The following LRFN5 variants were observed in gnomAD, a reference collection of about 807,000 sequenced individuals.
The protein encoded by LRFN5 is leucine-rich repeat and fibronectin type-III domain-containing protein 5.
LRFN5 carries 24 observed loss-of-function variants against 45.6 expected under a neutral mutation model. The observed-to-expected ratio is 0.53, with a 90% CI of 0.38 to 0.74. The LOEUF (loss-of-function observed/expected upper bound fraction) is 0.74, where lower values mean the gene tolerates loss of function less well. Among genes scored for constraint, LRFN5 ranks in the 30% least tolerant of loss-of-function variants. The pLI is 0.00. For missense variants in LRFN5, 776 were observed against 861.5 expected (o/e 0.90, Z 1.24); for synonymous variants, 340 against 313.8 (o/e 1.08, Z -0.88).
chr14:41,619,476 C>G (rs1351154705), intron 1 of LRFN5, among the ~76,000 whole-genome samples: 1 of 151,740 alleles, frequency 6.6e-6, no homozygotes, highest in Non-Finnish European at 1.5e-5. Flanking sequence ...TGAGGGGGTA[C>G]CTGAAAATGC....
At chr14:41,674,490 T>C (rs1881479186) in intron 1 of LRFN5, among the ~76,000 whole-genome samples, 1 of 136,766 alleles carries the variant, frequency 7.3e-6, no homozygotes, top group Non-Finnish European at 1.6e-5. Context: ...ACGGGGTGGC[T>C]GGCCGGGCGG....
At chr14:41,772,769 CATA>C (rs2138895853) in intron 2 of LRFN5, among the ~76,000 whole-genome samples, 1 of 152,280 alleles carries the variant, frequency 6.6e-6, no homozygotes, top group Admixed American at 6.5e-5. Flanking sequence ...TACGGCTCAC[CATA>C]TACCAGTAAA....
At chr14:41,862,018 A>G (rs1288983397) in intron 2 of LRFN5, among the ~76,000 whole-genome samples, 6 of 152,132 alleles carry the variant, frequency 3.9e-5, no homozygotes, top group Admixed American at 3.9e-4. Flanking sequence ...TGGTTTAAAA[A>G]TATTTGGCAG....
intron 1 of LRFN5, among the ~76,000 whole-genome samples, chr14:41,657,648 A>C (rs1594587887): frequency 6.6e-6 from 1 of 151,998 alleles, no homozygotes; most frequent in Non-Finnish European, 1.5e-5. Flanking sequence ...AAAGTATTTA[A>C]GGACTTATGA....
At chr14:41,734,332 A>ATATATATATATATATATATATG (rs1884324574) in intron 1 of LRFN5, among the ~76,000 whole-genome samples, 1 of 103,866 alleles carries the variant, frequency 9.6e-6, no homozygotes, top group Non-Finnish European at 2.1e-5. Context: ...ATATATATAT[A>ATATATATATATATATATATATG]TATATATATA....
intron 1 of LRFN5, among the ~76,000 whole-genome samples, chr14:41,690,146 A>T (rs1029334211): frequency 6.6e-6 from 1 of 152,182 alleles, no homozygotes; most frequent in African/African-American, 2.4e-5. Flanking sequence ...AACCAAATGT[A>T]GCAATATTTT....
At chr14:41,854,579 A>G (rs1450012900) in intron 2 of LRFN5, among the ~76,000 whole-genome samples, 3 of 152,190 alleles carry the variant, frequency 2.0e-5, no homozygotes, top group Non-Finnish European at 4.4e-5. Flanking sequence ...CAGAATTAAC[A>G]CTGAAGCTAT....
chr14:41,737,681 A>C (rs1884500828), intron 1 of LRFN5, among the ~76,000 whole-genome samples: 1 of 152,182 alleles, frequency 6.6e-6, no homozygotes, highest in Admixed American at 6.6e-5. Flanking sequence ...ATGTGCAAAA[A>C]TCACAAGCAT....
At chr14:41,777,750 T>C (rs1366243631) in intron 2 of LRFN5, among the ~76,000 whole-genome samples, 2 of 151,822 alleles carry the variant, frequency 1.3e-5, no homozygotes, top group African/African-American at 4.8e-5. Context: ...TAAATCATTT[T>C]ATGGTGAGTA....
intron 2 of LRFN5, among the ~76,000 whole-genome samples, chr14:41,806,459 A>G (rs967402155): frequency 2.6e-5 from 4 of 152,214 alleles, no homozygotes; most frequent in African/African-American, 9.6e-5. Context: ...TGTTTGCTAG[A>G]GTAAGCAGAA....
intron 1 of LRFN5, among the ~76,000 whole-genome samples, chr14:41,715,394 A>C (rs1362786648): frequency 6.6e-6 from 1 of 152,238 alleles, no homozygotes; most frequent in Non-Finnish European, 1.5e-5. Context: ...AATGTAGAAC[A>C]TTCTATGGTT....
chr14:41,847,500 T>A (rs1889110863), intron 2 of LRFN5, among the ~76,000 whole-genome samples: 1 of 152,080 alleles, frequency 6.6e-6, no homozygotes, highest in Admixed American at 6.6e-5. Flanking sequence ...TCCTTAATAC[T>A]TCTCAAATTT....
chr14:41,756,445 T>G (rs768364113), intron 1 of LRFN5, among the ~76,000 whole-genome samples: 1 of 152,236 alleles, frequency 6.6e-6, no homozygotes, highest in Non-Finnish European at 1.5e-5. Context: ...CCCATATTTC[T>G]TGGAGGCTTT....
intron 2 of LRFN5, among the ~76,000 whole-genome samples, chr14:41,868,852 C>A (rs989498736): frequency 2.0e-5 from 3 of 152,144 alleles, no homozygotes; most frequent in African/African-American, 7.2e-5. Flanking sequence ...ATGCAGCCTG[C>A]TTTTCGGTGT....
At chr14:41,845,361 T>C (rs1889025857) in intron 2 of LRFN5, among the ~76,000 whole-genome samples, 1 of 152,122 alleles carries the variant, frequency 6.6e-6, no homozygotes, top group Non-Finnish European at 1.5e-5. Context: ...ATTGTGTTAT[T>C]CATATATAGT....
chr14:41,803,292 A>G (rs985603722), intron 2 of LRFN5, among the ~76,000 whole-genome samples: 1 of 152,196 alleles, frequency 6.6e-6, no homozygotes, highest in South Asian at 2.1e-4. Context: ...TACCGTACCT[A>G]CAGTAATTGG....
intron 1 of LRFN5, among the ~76,000 whole-genome samples, chr14:41,629,127 C>T (rs1165057033): frequency 6.6e-6 from 1 of 152,132 alleles, no homozygotes; most frequent in African/African-American, 2.4e-5. Flanking sequence ...ATACATTCTG[C>T]AGTTATTTAT....
intron 1 of LRFN5, among the ~76,000 whole-genome samples, chr14:41,692,314 G>A (rs1473496304): frequency 6.6e-6 from 1 of 151,690 alleles, no homozygotes; most frequent in Non-Finnish European, 1.5e-5. Flanking sequence ...AATTTTTATT[G>A]TAGCTTTATG....
At chr14:41,679,405 G>T (rs1881784822) in intron 1 of LRFN5, among the ~76,000 whole-genome samples, 1 of 152,028 alleles carries the variant, frequency 6.6e-6, no homozygotes, top group Admixed American at 6.6e-5. Flanking sequence ...CTTGAAACCT[G>T]TATACCGGCT....
Sources: gnomAD v4.1 joint callset for allele counts (sites outside exome capture counted in the v4.1 genomes callset) on GRCh38, gnomAD v4.1.1 for gene constraint, MANE v1.5 for transcripts, NCBI Gene and HGNC (gene_info 2026-07-23, HGNC 2026-07-21) for gene names.